TMCC3: variants seen among roughly 807,000 people sequenced by gnomAD.
TMCC3 encodes transmembrane and coiled-coil domain protein 3.
TMCC3 carries 28 observed loss-of-function variants against 40.2 expected under a neutral mutation model. That is an observed-to-expected ratio of 0.70 (90% CI 0.52 to 0.95). TMCC3 has a LOEUF of 0.95. Among genes scored for constraint, TMCC3 ranks in the 40% least tolerant of loss-of-function variants. The pLI, the probability that TMCC3 is intolerant of heterozygous loss-of-function variation, is 0.00. For missense variants in TMCC3, 554 were observed against 615.2 expected, an observed-to-expected ratio of 0.90 and a Z score of 1.05; for synonymous variants, 255 against 248.5, an observed-to-expected ratio of 1.03 and a Z score of -0.25.
intron 1 of TMCC3, among the ~76,000 whole-genome samples, chr12:94,608,137 C>A (rs2068794319): frequency 6.6e-6 from 1 of 152,164 alleles, no homozygotes; most frequent in Non-Finnish European, 1.5e-5. Context: ...AATATCTAAT[C>A]AGAGGCAAGG....
chr12:94,613,255 G>A (rs2068827165), intron 1 of TMCC3, among the ~76,000 whole-genome samples: 1 of 151,856 alleles, frequency 6.6e-6, no homozygotes, highest in Admixed American at 6.6e-5. Context: ...CATAAGCCCA[G>A]AGTTCGAGAT....
At position 94,578,368 on chromosome 12, in the gene TMCC3, G is replaced by T. The variant is rs774599046; in HGVS notation, c.1131+26C>A. On this transcript the variant is annotated intron_variant, in intron 3 of 3. Transcript: ENST00000261226. ...TAAGGCTCGGGAAGAGCCCAGGCCT[G>T]TGTCTAATCACAAAGGGAAAGGTAC... 2.5e-6 allele frequency: 4 copies of T among 1,610,850 alleles called. No individual in the cohort carries two copies. In the East Asian group the frequency reaches 8.9e-5, roughly 36 times the overall value.
chr12:94,572,147 GCAC>G (rs1050684986), intron 3 of TMCC3, among the ~76,000 whole-genome samples: 1 of 148,188 alleles, frequency 6.7e-6, no homozygotes, highest in African/African-American at 2.5e-5. Flanking sequence ...CTACAGGTGC[GCAC>G]CACCATGTCT....
At chr12:94,605,947 C>T (rs1006501047) in intron 1 of TMCC3, among the ~76,000 whole-genome samples, 11 of 152,038 alleles carry the variant, frequency 7.2e-5, no homozygotes, top group African/African-American at 2.7e-4. Context: ...TCCGTCAAAC[C>T]AGGTACTAAC....
At chr12:94,626,110 G>T (rs139081522) in intron 1 of TMCC3, among the ~76,000 whole-genome samples, 1 of 152,172 alleles carries the variant, frequency 6.6e-6, no homozygotes, top group Non-Finnish European at 1.5e-5. Context: ...AAGAGAGAAC[G>T]CATGTGTGAA....
At chr12:94,619,852 T>C (rs913170106) in intron 1 of TMCC3, among the ~76,000 whole-genome samples, 6 of 152,220 alleles carry the variant, frequency 3.9e-5, no homozygotes, top group African/African-American at 1.4e-4. Flanking sequence ...AGACTATTTC[T>C]GTAAAGACAC....
At chr12:94,612,229 G>A (rs1439443853) in intron 1 of TMCC3, among the ~76,000 whole-genome samples, 1 of 150,746 alleles carries the variant, frequency 6.6e-6, no homozygotes, top group African/African-American at 2.4e-5. Flanking sequence ...CGAACTCCTG[G>A]GTTTCAAGCA....
At chr12:94,585,073 C>A (rs986188695) in intron 1 of TMCC3, among the ~76,000 whole-genome samples, 1 of 152,018 alleles carries the variant, frequency 6.6e-6, no homozygotes, top group Non-Finnish European at 1.5e-5. Context: ...ATCACTGAGG[C>A]TAAAAATTTG....
intron 1 of TMCC3, among the ~76,000 whole-genome samples, chr12:94,620,817 A>AT (rs1447973385): frequency 6.6e-6 from 1 of 152,254 alleles, no homozygotes; most frequent in East Asian, 1.9e-4. Context: ...AGGTCAGGGT[A>AT]TTTTTCTCTA....
Position 94,641,915 on chromosome 12 carries a change from A to C in TMCC3, c.78+8438T>G, listed in dbSNP as rs2246637. 2.0e-5 allele frequency among the ~76,000 whole-genome samples: 3 copies of C among 150,800 alleles called. No homozygotes were observed. The South Asian group carries it at 6.3e-4, about 31-fold the overall frequency. On this transcript the variant is annotated intron_variant, in intron 1 of 3. Coordinates refer to ENST00000261226, the MANE Select transcript of TMCC3 (RefSeq NM_020698.4). The stretch of plus-strand genomic sequence containing the variant: ...GAAGACACTAAGAGGAACCACAAAA[A>C]ATATATATATATTTATATATATATT...
chr12:94,646,816 C>A (rs1346209075), intron 1 of TMCC3, among the ~76,000 whole-genome samples: 1 of 149,920 alleles, frequency 6.7e-6, no homozygotes, highest in African/African-American at 2.5e-5. Flanking sequence ...AGTATTACCT[C>A]TTTTACAGAT....
At chr12:94,608,894 T>C (rs1594285780) in intron 1 of TMCC3, among the ~76,000 whole-genome samples, 1 of 152,336 alleles carries the variant, frequency 6.6e-6, no homozygotes, top group Middle Eastern at 3.4e-3. Context: ...ATTTTATTTC[T>C]AGTTCTCACC....
At chr12:94,606,427 G>A (rs1490211704) in intron 1 of TMCC3, among the ~76,000 whole-genome samples, 1 of 150,718 alleles carries the variant, frequency 6.6e-6, no homozygotes, top group East Asian at 1.9e-4. Context: ...AGTGCAGTGG[G>A]GTGATCTCAG....
intron 1 of TMCC3, among the ~76,000 whole-genome samples, chr12:94,605,459 A>G (rs2068777266): frequency 6.6e-6 from 1 of 152,210 alleles, no homozygotes; most frequent in Admixed American, 6.5e-5. Flanking sequence ...GCATACCAAC[A>G]TTAAGTAAGC....
chr12:94,571,293 A>G lies in TMCC3; in HGVS notation c.*142T>C. 1 of 832,434 alleles carries G rather than the reference A, an allele frequency of 1.2e-6. No individual in the cohort carries two copies. Among genetic ancestry groups the G allele is most frequent in the South Asian group, 1.8e-5 (1 of 55,556 alleles). The allele number at this position is 832,434 out of a possible 1,614,324, so 51.6% of individuals were successfully genotyped here. A position where few individuals can be genotyped will look rare whatever the true frequency, so the allele number is the denominator to read the frequency against. On this transcript the variant is annotated 3_prime_UTR_variant, in exon 4 of 4. Coordinates refer to ENST00000261226, the MANE Select transcript of TMCC3 (RefSeq NM_020698.4). ...TTGGCAACTGCTACGGAGTTAAGAG[A>G]ATTGTAGTTATTTACACCACACAGT...
chr12:94,635,515 G>A (rs1191819191), intron 1 of TMCC3, among the ~76,000 whole-genome samples: 1 of 152,114 alleles, frequency 6.6e-6, no homozygotes, highest in Non-Finnish European at 1.5e-5. Flanking sequence ...TTTGATGAGA[G>A]GTAACACTTA....
At chr12:94,615,942 C>A (rs931483139) in intron 1 of TMCC3, 64 of 985,366 alleles carry the variant, frequency 6.5e-5, no homozygotes, top group Non-Finnish European at 7.6e-5. Flanking sequence ...CACAGCAAAC[C>A]CAGGAGCAGA....
chr12:94,572,704 T>C (rs893948027), intron 3 of TMCC3, among the ~76,000 whole-genome samples: 9 of 152,220 alleles, frequency 5.9e-5, no homozygotes, highest in African/African-American at 2.2e-4. Flanking sequence ...GGTTCCACTT[T>C]GTGACTACTC....
At chr12:94,579,803 C>T (rs915646223) in intron 2 of TMCC3, among the ~76,000 whole-genome samples, 1 of 152,204 alleles carries the variant, frequency 6.6e-6, no homozygotes, top group Non-Finnish European at 1.5e-5. Flanking sequence ...CTGTAACACG[C>T]GGGTCACAAA....
Sources: gnomAD v4.1 joint callset for allele counts (sites outside exome capture counted in the v4.1 genomes callset) on GRCh38, gnomAD v4.1.1 for gene constraint, MANE v1.5 for transcripts, NCBI Gene and HGNC (gene_info 2026-07-23, HGNC 2026-07-21) for gene names.